The following PARD3 variants were observed in gnomAD, a reference collection of about 807,000 sequenced individuals.
PARD3 encodes par-3 family cell polarity regulator.
Under a neutral mutation model 155.4 loss-of-function variants are expected in PARD3, and 75 were observed. The ratio of observed to expected loss-of-function variants is 0.48; its 90% confidence interval spans 0.40 to 0.58. The LOEUF (loss-of-function observed/expected upper bound fraction) is 0.58, where lower values mean the gene tolerates loss of function less well. Ranked by LOEUF, PARD3 falls within the 20% of genes least tolerant of loss-of-function variation. The pLI, the probability that PARD3 is intolerant of heterozygous loss-of-function variation, is 0.00. For synonymous variants in PARD3, 576 were observed against 610.5 expected (o/e 0.94, Z 0.83); for missense variants, 1,642 against 1,721.7 (o/e 0.95, Z 0.82).
chr10:34,472,106 G>A (rs1172929784), intron 3 of PARD3, among the ~76,000 whole-genome samples: 1 of 152,090 alleles, frequency 6.6e-6, no homozygotes, highest in African/African-American at 2.4e-5. Flanking sequence ...AATTTAACAT[G>A]GACTTCTACA....
At chr10:34,499,421 G>C (rs539142865) in intron 3 of PARD3, among the ~76,000 whole-genome samples, 2 of 152,018 alleles carry the variant, frequency 1.3e-5, no homozygotes, top group East Asian at 3.9e-4. Context: ...TACCAGGTGA[G>C]GATATAGACA....
intron 4 of PARD3, among the ~76,000 whole-genome samples, chr10:34,461,376 G>A (rs2077639600): frequency 1.3e-5 from 2 of 152,258 alleles, no homozygotes; most frequent in Admixed American, 6.5e-5. Flanking sequence ...AGGCCGAGGC[G>A]GGTGGATCAC....
At chr10:34,225,234 G>A (rs963592782) in intron 22 of PARD3, among the ~76,000 whole-genome samples, 4 of 152,200 alleles carry the variant, frequency 2.6e-5, no homozygotes, top group African/African-American at 4.8e-5. Flanking sequence ...GGAGGAAGCT[G>A]TATCAGAGTG....
intron 22 of PARD3, among the ~76,000 whole-genome samples, chr10:34,186,685 T>C (rs1229533584): frequency 6.6e-6 from 1 of 152,114 alleles, no homozygotes; most frequent in Admixed American, 6.5e-5. Context: ...CAAAAGGCCA[T>C]GTAAGATGCC....
intron 5 of PARD3, among the ~76,000 whole-genome samples, chr10:34,409,778 T>C (rs1844866241): frequency 6.6e-6 from 1 of 152,190 alleles, no homozygotes; most frequent in South Asian, 2.1e-4. Flanking sequence ...TAAAACTCAT[T>C]AGCTATGTAT....
At chr10:34,152,298 C>A (rs1306111155) in intron 22 of PARD3, among the ~76,000 whole-genome samples, 1 of 152,146 alleles carries the variant, frequency 6.6e-6, no homozygotes, top group African/African-American at 2.4e-5. Context: ...GCAATATCAT[C>A]ATGTGAATAT....
At chr10:34,568,758 A>G (rs2086156539) in intron 2 of PARD3, among the ~76,000 whole-genome samples, 1 of 152,218 alleles carries the variant, frequency 6.6e-6, no homozygotes, top group Non-Finnish European at 1.5e-5. Context: ...GTTTGACTTC[A>G]GGGCAAATTA....
intron 1 of PARD3, among the ~76,000 whole-genome samples, chr10:34,696,995 G>C (rs975403343): frequency 6.9e-6 from 1 of 143,894 alleles, no homozygotes; most frequent in Non-Finnish European, 1.5e-5. Flanking sequence ...GAGACAAAAT[G>C]ACACACACAC....
At chr10:34,231,145 T>G (rs191935602) in intron 22 of PARD3, among the ~76,000 whole-genome samples, 1 of 151,530 alleles carries the variant, frequency 6.6e-6, no homozygotes, top group South Asian at 2.1e-4. Context: ...TCCACATATA[T>G]ATACATGTTC....
At chr10:34,348,401 T>C (rs1462020563) in intron 14 of PARD3, among the ~76,000 whole-genome samples, 4 of 152,238 alleles carry the variant, frequency 2.6e-5, no homozygotes, top group African/African-American at 9.6e-5. Flanking sequence ...TGTTGTTTAT[T>C]TTTCCAATTT....
intron 4 of PARD3, among the ~76,000 whole-genome samples, chr10:34,462,785 G>A: frequency 6.6e-6 from 1 of 151,486 alleles, no homozygotes; most frequent in Admixed American, 6.6e-5. Context: ...ACTGCAGTAA[G>A]CCATGCACTG....
At position 34,115,601 on chromosome 10, in the gene PARD3, A is replaced by G. The variant is rs181608671; in HGVS notation, c.3668+4012T>C. On this transcript the variant is annotated intron_variant, in intron 24 of 24. Coordinates refer to ENST00000374788, the MANE Select transcript of PARD3 (RefSeq NM_001184785.2). ...AAATATTTGAGGTGATGGATATGTTAGCTAACTTGATTAAACTTAATTAAT... is the reference window on the plus strand; with the variant it reads ...AAATATTTGAGGTGATGGATATGTTGGCTAACTTGATTAAACTTAATTAAT... Among the ~76,000 whole-genome samples, 41 of 152,340 alleles carry G rather than the reference A, an allele frequency of 2.7e-4. 1 individual carries two copies. The highest frequency in any genetic ancestry group is 2.4e-3 in the Admixed American group (36 of 15,300).
intron 1 of PARD3, among the ~76,000 whole-genome samples, chr10:34,780,080 G>T (rs1840068524): frequency 6.6e-6 from 1 of 152,144 alleles, no homozygotes; most frequent in Non-Finnish European, 1.5e-5. Context: ...ACACCTTCTG[G>T]TAATCCCCAT....
At chr10:34,525,016 A>C (rs1398901565) in intron 2 of PARD3, among the ~76,000 whole-genome samples, 4 of 152,254 alleles carry the variant, frequency 2.6e-5, no homozygotes, top group Non-Finnish European at 5.9e-5. Flanking sequence ...AATGACACAG[A>C]GACAATACTA....
intron 5 of PARD3, among the ~76,000 whole-genome samples, chr10:34,419,557 T>C (rs1371758395): frequency 6.6e-6 from 1 of 152,118 alleles, no homozygotes. Context: ...CAAAGAAACA[T>C]TATTTAAGGC....
At chr10:34,779,241 G>T (rs1354453697) in intron 1 of PARD3, among the ~76,000 whole-genome samples, 1 of 152,092 alleles carries the variant, frequency 6.6e-6, no homozygotes, top group South Asian at 2.1e-4. Flanking sequence ...GGGAGGTGAA[G>T]GCTGCAGTGA....
At chr10:34,787,493 T>C (rs904272142) in intron 1 of PARD3, among the ~76,000 whole-genome samples, 1 of 152,130 alleles carries the variant, frequency 6.6e-6, no homozygotes, top group African/African-American at 2.4e-5. Flanking sequence ...CAAGCAAGAC[T>C]TGTCAAGGAA....
At chr10:34,193,024 T>C (rs777927644) in intron 22 of PARD3, among the ~76,000 whole-genome samples, 1 of 152,242 alleles carries the variant, frequency 6.6e-6, no homozygotes, top group Non-Finnish European at 1.5e-5. Context: ...TTTTTGGAGC[T>C]TTGAAGGAAA....
intron 3 of PARD3, among the ~76,000 whole-genome samples, chr10:34,490,246 G>A (rs1010297286): frequency 6.6e-6 from 1 of 152,140 alleles, no homozygotes; most frequent in Non-Finnish European, 1.5e-5. Flanking sequence ...CAGGGAAAAA[G>A]AAAGACCATG....
Sources: gnomAD v4.1 joint callset for allele counts (sites outside exome capture counted in the v4.1 genomes callset) on GRCh38, gnomAD v4.1.1 for gene constraint, MANE v1.5 for transcripts, NCBI Gene and HGNC (gene_info 2026-07-23, HGNC 2026-07-21) for gene names.